Variants in NEGR1 observed in about 807,000 individuals in gnomAD.
The protein encoded by NEGR1 is neuronal growth regulator 1, also known as IgLON family member 4.
In NEGR1, 10 loss-of-function variants were observed where a neutral mutation model predicts 40.9. The observed-to-expected ratio is 0.24, with a 90% CI of 0.15 to 0.42. The LOEUF is 0.42. Among genes scored for constraint, NEGR1 ranks in the 10% least tolerant of loss-of-function variants. The pLI is 1.00. For missense variants in NEGR1, 352 were observed against 438.9 expected (o/e 0.80, Z 1.77); for synonymous variants, 185 against 166.8 (o/e 1.11, Z -0.84).
At position 71,565,921 on chromosome 1, in the gene NEGR1, G is replaced by GA. The variant is rs534461836; in HGVS notation, c.940+26895dup. 3.4e-3 allele frequency among the ~76,000 whole-genome samples: 517 copies of GA among 152,046 alleles called. 2 individuals are homozygous for GA. The highest frequency in any genetic ancestry group is 1.0e-2 in the South Asian group (48 of 4,806). ...TATGTCCACATGTAAGTCAAATATT[G>GA]AAAATATATGCCCTAATTTAAAACA... On this transcript the variant is annotated intron_variant, in intron 6 of 6. Coordinates refer to ENST00000357731, the MANE Select transcript of NEGR1 (RefSeq NM_173808.3).
chr1:72,282,495 C>T lies in NEGR1; in HGVS notation c.-1G>A, dbSNP rs1243567448. 2.5e-6 allele frequency: 4 copies of T among 1,611,466 alleles called. No individual in the cohort carries two copies. The South Asian group carries it at 3.3e-5, about 13-fold the overall frequency. ...CCTGCACCAACAGCATCATGTCCAT[C>T]CCTGCTAGGGCTGCTCACTCTCCAG... On this transcript the variant is annotated 5_prime_UTR_variant, in exon 1 of 7. Transcript: ENST00000357731.
At chr1:72,067,383 T>C (rs1053301674) in intron 1 of NEGR1, among the ~76,000 whole-genome samples, 5 of 152,116 alleles carry the variant, frequency 3.3e-5, no homozygotes, top group Admixed American at 2.6e-4. Context: ...AAAAGTGAGA[T>C]GCATCTCGTC....
intron 2 of NEGR1, among the ~76,000 whole-genome samples, chr1:71,833,897 A>G (rs1658924697): frequency 6.6e-6 from 1 of 152,232 alleles, no homozygotes; most frequent in Non-Finnish European, 1.5e-5. Context: ...CATCTTTATG[A>G]ATAACTTGTC....
intron 6 of NEGR1, among the ~76,000 whole-genome samples, chr1:71,545,754 A>C (rs985092112): frequency 6.6e-6 from 1 of 151,644 alleles, no homozygotes; most frequent in Non-Finnish European, 1.5e-5. Context: ...CCCGAGGGGA[A>C]AACTCAGGCT....
intron 4 of NEGR1, among the ~76,000 whole-genome samples, chr1:71,632,489 C>T (rs886716470): frequency 2.0e-5 from 3 of 150,636 alleles, no homozygotes; most frequent in Non-Finnish European, 4.4e-5. Context: ...TATTGAACTT[C>T]TATGCTATTA....
chr1:71,493,640 T>G (rs1646943933), intron 6 of NEGR1, among the ~76,000 whole-genome samples: 1 of 152,196 alleles, frequency 6.6e-6, no homozygotes, highest in Non-Finnish European at 1.5e-5. Context: ...CCTATTGGTA[T>G]TTTACACTTT....
intron 4 of NEGR1, among the ~76,000 whole-genome samples, chr1:71,663,493 T>G (rs561877631): frequency 6.6e-6 from 1 of 152,290 alleles, no homozygotes; most frequent in South Asian, 2.1e-4. Context: ...AAAAAATGTG[T>G]TTTGCTATGT....
intron 2 of NEGR1, among the ~76,000 whole-genome samples, chr1:71,788,908 G>T (rs1053606982): frequency 3.3e-5 from 5 of 152,058 alleles, no homozygotes; most frequent in Non-Finnish European, 7.4e-5. Context: ...TTTTCCAGTA[G>T]CTTATATATT....
Position 71,637,408 on chromosome 1 carries a change from C to G in NEGR1, c.668-26262G>C, listed in dbSNP as rs564256411. Among the ~76,000 whole-genome samples, 7 of 151,852 alleles carry G rather than the reference C, an allele frequency of 4.6e-5. No homozygotes were observed. In the East Asian group the frequency reaches 1.2e-3, roughly 25 times the overall value. On this transcript the variant is annotated intron_variant, in intron 4 of 6. Coordinates refer to ENST00000357731, the MANE Select transcript of NEGR1 (RefSeq NM_173808.3). ...TATATGACCATAAAAAGTGTAATAT[C>G]CTAATATAAAATTAAAGGAGGGGGG...
At chr1:71,966,199 A>G (rs1646208103) in intron 1 of NEGR1, among the ~76,000 whole-genome samples, 1 of 152,188 alleles carries the variant, frequency 6.6e-6, no homozygotes, top group African/African-American at 2.4e-5. Flanking sequence ...CAGATTCATA[A>G]CACTTCATTA....
At chr1:71,881,355 C>T (rs1403200910) in intron 2 of NEGR1, among the ~76,000 whole-genome samples, 1 of 151,994 alleles carries the variant, frequency 6.6e-6, no homozygotes, top group African/African-American at 2.4e-5. Context: ...CCTTATGTAC[C>T]AGTAACATCA....
At chr1:72,023,270 C>T (rs190310882) in intron 1 of NEGR1, among the ~76,000 whole-genome samples, 1 of 152,004 alleles carries the variant, frequency 6.6e-6, no homozygotes, top group East Asian at 1.9e-4. Flanking sequence ...GGTATCGTAC[C>T]CCGAGCACAG....
intron 1 of NEGR1, among the ~76,000 whole-genome samples, chr1:72,083,064 T>C (rs1156572893): frequency 1.3e-5 from 2 of 152,190 alleles, no homozygotes; most frequent in Non-Finnish European, 2.9e-5. Context: ...CAATTAAATA[T>C]CAATACCCCA....
chr1:71,814,206 G>A (rs1204396149), intron 2 of NEGR1, among the ~76,000 whole-genome samples: 3 of 151,242 alleles, frequency 2.0e-5, no homozygotes, highest in Admixed American at 2.0e-4. Context: ...TTTGTCTTTA[G>A]TTCTCTTTAT....
At chr1:71,672,462 A>G (rs1324419216) in intron 4 of NEGR1, among the ~76,000 whole-genome samples, 1 of 152,206 alleles carries the variant, frequency 6.6e-6, no homozygotes, top group African/African-American at 2.4e-5. Context: ...CTTGTTCACC[A>G]TTGTATATCC....
intron 1 of NEGR1, among the ~76,000 whole-genome samples, chr1:72,153,969 A>T (rs1332033077): frequency 1.3e-5 from 2 of 151,768 alleles, no homozygotes; most frequent in Non-Finnish European, 2.9e-5. Flanking sequence ...TCTCGGTGAA[A>T]TAAGTTTCTG....
intron 1 of NEGR1, among the ~76,000 whole-genome samples, chr1:72,185,491 G>C (rs1652579037): frequency 6.6e-6 from 1 of 151,750 alleles, no homozygotes; most frequent in Non-Finnish European, 1.5e-5. Flanking sequence ...GAAACAATAA[G>C]GGCTGCCTTT....
chr1:71,431,085 C>CT (rs1646465078), intron 6 of NEGR1, among the ~76,000 whole-genome samples: 2 of 149,550 alleles, frequency 1.3e-5, no homozygotes, highest in Admixed American at 1.3e-4. Flanking sequence ...TTTTTATGAC[C>CT]TTTTTTTTAT....
intron 2 of NEGR1, among the ~76,000 whole-genome samples, chr1:71,813,976 G>A (rs375093899): frequency 2.2e-4 from 33 of 152,170 alleles, no homozygotes; most frequent in African/African-American, 7.9e-4. Context: ...ATGTGGTGGA[G>A]TGGTGAGAGA....
Sources: gnomAD v4.1 joint callset for allele counts (sites outside exome capture counted in the v4.1 genomes callset) on GRCh38, gnomAD v4.1.1 for gene constraint, MANE v1.5 for transcripts, NCBI Gene and HGNC (gene_info 2026-07-23, HGNC 2026-07-21) for gene names.